The following RASEF variants were observed in gnomAD, a reference collection of about 807,000 sequenced individuals.
RASEF encodes ras and EF-hand domain-containing protein.
A neutral mutation model predicts 90.1 loss-of-function variants in RASEF; 68 were observed. The ratio of observed to expected loss-of-function variants is 0.75; its 90% confidence interval spans 0.62 to 0.92. The LOEUF (loss-of-function observed/expected upper bound fraction) is 0.92, where lower values mean the gene tolerates loss of function less well. Ranked by LOEUF, RASEF falls within the 40% of genes least tolerant of loss-of-function variation. The probability of loss-of-function intolerance (pLI) is 0.00; values close to 1 mark genes in which losing one functional copy is unlikely to be tolerated. For missense variants in RASEF, 949 were observed against 937.2 expected, an observed-to-expected ratio of 1.01 and a Z score of -0.16; for synonymous variants, 331 against 345.2, an observed-to-expected ratio of 0.96 and a Z score of 0.46.
chr9:83,171,867 T>A, the RASEF span, among the ~76,000 whole-genome samples: 3 of 151,812 alleles, frequency 2.0e-5, no homozygotes, highest in Non-Finnish European at 4.4e-5. Context: ...AATGCCAACT[T>A]TTTGTTTCAT....
Position 83,045,630 on chromosome 9 carries a change from G to C in RASEF, c.431+16807C>G, listed in dbSNP as rs79321095. ...GAATCTGTGTTCACAGAATCAATCTGACATTCATTTCTGTCTTTGTGCCTT... is the reference window on the plus strand; with the variant it reads ...GAATCTGTGTTCACAGAATCAATCTCACATTCATTTCTGTCTTTGTGCCTT... On this transcript the variant is annotated intron_variant, in intron 1 of 16. Coordinates refer to ENST00000376447, the MANE Select transcript of RASEF (RefSeq NM_152573.4). 1.6e-3 allele frequency among the ~76,000 whole-genome samples: 251 copies of C among 152,292 alleles called. 2 individuals carry two copies. In the Middle Eastern group the frequency reaches 0.024, roughly 14 times the overall value.
chr9:83,059,360 C>T (rs1320974641), intron 1 of RASEF, among the ~76,000 whole-genome samples: 1 of 115,070 alleles, frequency 8.7e-6, no homozygotes, highest in Admixed American at 9.3e-5. Flanking sequence ...ACAACAGTAA[C>T]TGAAAAAAAA....
intron 1 of RASEF, among the ~76,000 whole-genome samples, chr9:83,042,952 A>G (rs1352876018): frequency 6.6e-6 from 1 of 152,234 alleles, no homozygotes; most frequent in Non-Finnish European, 1.5e-5. Flanking sequence ...ACGGTAACTT[A>G]AAATGCTAAG....
the RASEF span, among the ~76,000 whole-genome samples, chr9:83,168,482 T>C: frequency 5.9e-5 from 9 of 152,066 alleles, no homozygotes; most frequent in Non-Finnish European, 1.3e-4. Context: ...ACCTCATTTA[T>C]CATTCGGCAC....
At chr9:83,022,749 T>TTTA (rs1829466486) in intron 2 of RASEF, among the ~76,000 whole-genome samples, 2 of 152,176 alleles carry the variant, frequency 1.3e-5, no homozygotes, top group African/African-American at 4.8e-5. Context: ...AAAGCCTACT[T>TTTA]CACACCTAGG....
intron 16 of RASEF, among the ~76,000 whole-genome samples, chr9:82,987,229 T>G (rs752518288): frequency 3.4e-5 from 5 of 148,432 alleles, no homozygotes; most frequent in Non-Finnish European, 7.4e-5. Flanking sequence ...AGGCTAAGTA[T>G]AAAGCAATTA....
At chr9:82,982,806 AG>A in intron 16 of RASEF, 24 bp from the exon 17 acceptor site, 1 of 45,282 alleles carries the variant, frequency 2.2e-5, no homozygotes, top group East Asian at 3.0e-3. Context: ...AGAGAGAGAC[AG>A]AGAGAGAGAG....
At chr9:83,047,875 C>T (rs1319910421) in intron 1 of RASEF, among the ~76,000 whole-genome samples, 1 of 152,186 alleles carries the variant, frequency 6.6e-6, no homozygotes, top group African/African-American at 2.4e-5. Context: ...TCAAACCTAA[C>T]ATTTGAATTA....
chr9:82,991,500 T>C (rs917867609), intron 15 of RASEF, among the ~76,000 whole-genome samples: 2 of 152,120 alleles, frequency 1.3e-5, no homozygotes, highest in Admixed American at 1.3e-4. Flanking sequence ...GGTTAAACAG[T>C]CCTGTGTGGG....
chr9:83,113,396 G>A, the RASEF span, among the ~76,000 whole-genome samples: 1 of 152,164 alleles, frequency 6.6e-6, no homozygotes, highest in East Asian at 1.9e-4. Flanking sequence ...AAACATGTGT[G>A]TTTGAACAAT....
Position 83,002,693 on chromosome 9 carries a change from A to G in RASEF, c.1203-1563T>C, listed in dbSNP as rs140330759. On this transcript the variant is annotated intron_variant, in intron 9 of 16. Coordinates refer to ENST00000376447, the MANE Select transcript of RASEF (RefSeq NM_152573.4). ...CAAACTACTTCAGTTCCATGTCTTC[A>G]TTACTGGTTATGATTTATTTTAAGC... Among the ~76,000 whole-genome samples the G allele has an allele frequency of 7.0e-3, 1,071 of 152,124 alleles. 14 individuals carry two copies. The highest frequency in any genetic ancestry group is 0.024 in the African/African-American group (990 of 41,522).
chr9:83,011,561 A>C (rs940424285), intron 5 of RASEF, among the ~76,000 whole-genome samples: 15 of 149,824 alleles, frequency 1.0e-4, no homozygotes, highest in Non-Finnish European at 2.2e-4. Flanking sequence ...AAAAAAAAAA[A>C]AAAAAAAAAA....
the RASEF span, among the ~76,000 whole-genome samples, chr9:83,079,751 ATATGTCTAAACAACAAATTG>A: frequency 3.3e-5 from 5 of 152,278 alleles, no homozygotes; most frequent in East Asian, 1.9e-4. Flanking sequence ...ACAACAAATT[ATATGTCTAAACAACAAATTG>A]TATGTCTAAA....
At chr9:83,195,215 C>T in the RASEF span, among the ~76,000 whole-genome samples, 1 of 152,214 alleles carries the variant, frequency 6.6e-6, no homozygotes, top group Non-Finnish European at 1.5e-5. Flanking sequence ...TTTTCGTGCC[C>T]TCTCTCATAC....
chr9:83,129,407 A>C, the RASEF span, among the ~76,000 whole-genome samples: 3 of 101,438 alleles, frequency 3.0e-5, no homozygotes, highest in African/African-American at 1.5e-4. Context: ...ACTCCACCTC[A>C]AAAAAAAAAA....
the RASEF span, among the ~76,000 whole-genome samples, chr9:83,158,716 A>G: frequency 1.4e-5 from 2 of 143,514 alleles, no homozygotes; most frequent in African/African-American, 5.6e-5. Context: ...GTACATATAC[A>G]TATATGTATA....
At chr9:83,011,860 T>G (rs1829252825) in intron 5 of RASEF, among the ~76,000 whole-genome samples, 1 of 152,122 alleles carries the variant, frequency 6.6e-6, no homozygotes, top group Non-Finnish European at 1.5e-5. Context: ...GGATCAGAGA[T>G]AATAAATGGA....
chr9:83,142,829 C>T, the RASEF span, among the ~76,000 whole-genome samples: 1 of 152,198 alleles, frequency 6.6e-6, no homozygotes, highest in African/African-American at 2.4e-5. Flanking sequence ...GAATCAGTGG[C>T]TTTCATGCTG....
At chr9:83,147,241 A>G in the RASEF span, among the ~76,000 whole-genome samples, 2 of 152,068 alleles carry the variant, frequency 1.3e-5, no homozygotes, top group African/African-American at 4.8e-5. Flanking sequence ...TCTCTTGGTG[A>G]CAAAAATACT....
Sources: gnomAD v4.1 joint callset for allele counts (sites outside exome capture counted in the v4.1 genomes callset) on GRCh38, gnomAD v4.1.1 for gene constraint, MANE v1.5 for transcripts, NCBI Gene and HGNC (gene_info 2026-07-23, HGNC 2026-07-21) for gene names.